The following KANK4 variants were observed in gnomAD, a reference collection of about 807,000 sequenced individuals.
KANK4 encodes the protein KN motif and ankyrin repeat domain-containing protein 4.
Under a neutral mutation model 80.8 loss-of-function variants are expected in KANK4, and 50 were observed. That is an observed-to-expected ratio of 0.62 (90% CI 0.49 to 0.78). KANK4 has a LOEUF of 0.78. KANK4 is among the 30% of genes least tolerant of loss of function. The pLI is 0.00. For synonymous variants in KANK4, 465 were observed against 506.9 expected, an observed-to-expected ratio of 0.92 and a Z score of 1.11; for missense variants, 1,196 against 1,240.1, an observed-to-expected ratio of 0.96 and a Z score of 0.53.
rs192212534 is a variant in KANK4 at position 62,250,149 on chromosome 1, G to A, written c.2683-2477C>T. Among the ~76,000 whole-genome samples, 558 of 151,800 alleles carry A rather than the reference G, an allele frequency of 3.7e-3. 4 individuals are homozygous for A. Among genetic ancestry groups the A allele is most frequent in the African/African-American group, 0.013 (532 of 41,416 alleles). On this transcript the variant is annotated intron_variant, in intron 8 of 9. Coordinates refer to ENST00000371153, the MANE Select transcript of KANK4 (RefSeq NM_181712.5). ...AATACAGGCGTGCATCACCACACCC[G>A]GCTATTTTTTGTATTTTTAGTAGAG...
rs1197128926 is a variant in KANK4, at chr1:62,274,861, G to C, written c.243C>G (p.Arg81=). The C allele has an allele frequency of 2.5e-6, 4 of 1,614,098 alleles. No homozygotes were observed. In the South Asian group the frequency reaches 4.4e-5, roughly 18 times the overall value. The stretch of plus-strand genomic sequence containing the variant: ...TTTGGAGGGGCGGGGCTGCAGGGGG[G>C]CGAGCCCCACTGTCAGGAAGGCTGA... The part of the protein sequence containing the change: ...RNFSLPDSGA[R]PPAAPPLQNW... The change falls in exon 3 of 10, where the codon CGC becomes CGG. Residue 81 remains arginine (R), a synonymous_variant. Transcript: ENST00000371153.
At chr1:62,278,398 T>C (rs1571012510) in intron 2 of KANK4, among the ~76,000 whole-genome samples, 11 of 67,640 alleles carry the variant, frequency 1.6e-4, no homozygotes, top group African/African-American at 7.4e-4. Context: ...TCTTTCTTTC[T>C]TTTTTTTTTT....
At chr1:62,267,460 G>A (rs1270205177) in intron 5 of KANK4, among the ~76,000 whole-genome samples, 11 of 152,070 alleles carry the variant, frequency 7.2e-5, no homozygotes, top group Admixed American at 4.6e-4. Context: ...CAAACTGCTG[G>A]GATTACAGCT....
chr1:62,255,500 C>T (rs1186687139), intron 7 of KANK4, among the ~76,000 whole-genome samples: 2 of 151,634 alleles, frequency 1.3e-5, no homozygotes, highest in African/African-American at 4.8e-5. Flanking sequence ...CCTAAACCTC[C>T]TGGGTTCAAG....
chr1:62,258,551 C>A (rs759273149), intron 7 of KANK4, among the ~76,000 whole-genome samples: 1 of 152,198 alleles, frequency 6.6e-6, no homozygotes, highest in Admixed American at 6.5e-5. Context: ...AGACTCAAAG[C>A]TGCTTAGCAG....
Position 62,266,728 on chromosome 1 carries a change from G to A in KANK4, c.2319+4C>T. ...CTTTACATGACAATGAAAAATTAGA[G>A]TACCAAGAGCTGGTCTGTGGTGGTC... On this transcript the variant is annotated splice_donor_region_variant and intron_variant, in intron 6 of 9. Coordinates refer to ENST00000371153, the MANE Select transcript of KANK4 (RefSeq NM_181712.5). The A allele has an allele frequency of 6.3e-7, 1 of 1,582,994 alleles. No homozygotes were observed.
At chr1:62,253,427 T>TTTTG (rs1671675057) in intron 7 of KANK4, among the ~76,000 whole-genome samples, 2 of 148,068 alleles carry the variant, frequency 1.4e-5, no homozygotes, top group Non-Finnish European at 1.5e-5. Context: ...TTTTTTTTTT[T>TTTTG]GAGACAGAGT....
intron 1 of KANK4, among the ~76,000 whole-genome samples, chr1:62,290,990 T>C (rs1022267597): frequency 2.0e-5 from 3 of 152,148 alleles, no homozygotes; most frequent in Non-Finnish European, 2.9e-5. Context: ...GACTTCATGA[T>C]CCGCCTGCCT....
rs761636195 is a variant in KANK4, at chr1:62,273,440, G to T, written c.1664C>A (p.Pro555Gln). 6.2e-7 allele frequency: 1 copy of T among 1,613,806 alleles called. No homozygotes were observed. Among genetic ancestry groups the T allele is most frequent in the Non-Finnish European group, 8.5e-7 (1 of 1,179,890 alleles). Reference sequence around the variant, plus strand: ...ATACTGCCCAATAGTGGCATCCGTTGGCGAGCTTGGTGGCCTTCCCGGGTG... The same window carrying T: ...ATACTGCCCAATAGTGGCATCCGTTTGCGAGCTTGGTGGCCTTCCCGGGTG... The part of the protein sequence containing the change: ...KEHPGRPPSS[P>Q]TDATIGQYVK... The change falls in exon 3 of 10, where the codon CCA (proline) becomes CAA (glutamine). Residue 555 changes from proline (P) to glutamine (Q), a missense_variant. Around this residue, in one of 3 missense-constraint regions of KANK4, gnomAD observed 1,154 missense variants for 1,179.6 expected, o/e 0.98. Coordinates refer to ENST00000371153, the MANE Select transcript of KANK4 (RefSeq NM_181712.5).
In KANK4 at chr1:62,271,533, G is replaced by A. The variant is rs139344628; in HGVS notation, c.1957C>T (p.Arg653Cys). The part of the protein sequence containing the change: ...SIMKKKDYGF[R>C]AGGNGTKKNL... ...TTTTTGGTCCCATTACCTCCTGCACGGAAGCCATAGTCTTTCTTTTTCATT... is the reference window on the plus strand; with the variant it reads ...TTTTTGGTCCCATTACCTCCTGCACAGAAGCCATAGTCTTTCTTTTTCATT... Residue 653 changes from arginine to cysteine, a missense_variant, in exon 4 of 10, where the codon CGT (arginine) becomes TGT (cysteine). Physicochemically the swap from Arg to Cys is radical, Grantham distance 180. Transcript: ENST00000371153. The A allele has an allele frequency of 6.7e-4, 1,076 of 1,613,982 alleles. 2 individuals are homozygous for A. Among genetic ancestry groups the A allele is most frequent in the Admixed American group, 1.1e-3 (64 of 59,996 alleles).
chr1:62,311,895 G>A (rs1317962278), intron 1 of KANK4, among the ~76,000 whole-genome samples: 1 of 152,164 alleles, frequency 6.6e-6, no homozygotes, highest in Admixed American at 6.5e-5. Context: ...CCTTAAGAAT[G>A]TCTTCCACTA....
intron 9 of KANK4, among the ~76,000 whole-genome samples, chr1:62,240,308 G>A (rs1272046031): frequency 6.6e-6 from 1 of 152,192 alleles, no homozygotes; most frequent in Non-Finnish European, 1.5e-5. Flanking sequence ...CTGCATAAAT[G>A]TCTTCTTTTG....
intron 1 of KANK4, among the ~76,000 whole-genome samples, chr1:62,282,258 C>T (rs1672467301): frequency 6.6e-6 from 1 of 152,184 alleles, no homozygotes; most frequent in Admixed American, 6.5e-5. Flanking sequence ...ATTGCCCTGG[C>T]TCTGAATTAG....
At chr1:62,264,221 C>G (rs186861137) in intron 6 of KANK4, among the ~76,000 whole-genome samples, 1 of 152,162 alleles carries the variant, frequency 6.6e-6, no homozygotes, top group African/African-American at 2.4e-5. Flanking sequence ...AGTTCAAGAC[C>G]AGCTTGACCA....
intron 5 of KANK4, among the ~76,000 whole-genome samples, chr1:62,267,661 G>A (rs1011951928): frequency 6.6e-6 from 1 of 152,098 alleles, no homozygotes; most frequent in African/African-American, 2.4e-5. Context: ...AAATAGCTGA[G>A]GATGGTGGTG....
intron 1 of KANK4, among the ~76,000 whole-genome samples, chr1:62,312,228 A>G (rs1644503345): frequency 6.6e-6 from 1 of 152,246 alleles, no homozygotes; most frequent in Admixed American, 6.5e-5. Flanking sequence ...TACTATAAAT[A>G]CAAAGCCATC....
intron 4 of KANK4, among the ~76,000 whole-genome samples, chr1:62,270,044 A>C (rs1405159514): frequency 6.6e-6 from 1 of 152,170 alleles, no homozygotes; most frequent in Non-Finnish European, 1.5e-5. Flanking sequence ...AATGCTGAGG[A>C]ATGTCCAGGA....
chr1:62,274,312 C>T lies in KANK4; in HGVS notation c.792G>A (p.Lys264=), dbSNP rs1474269342. 1.2e-6 allele frequency: 2 copies of T among 1,614,054 alleles called. No homozygotes were observed. Among genetic ancestry groups the T allele is most frequent in the African/African-American group, 2.7e-5 (2 of 74,940 alleles). Residue 264 remains lysine (K), a synonymous_variant, in exon 3 of 10, where the codon AAG becomes AAA. Transcript: ENST00000371153. ...FQNVLVVLED[K]EDEHNAREAE... is the part of the protein sequence containing the mutation. ...CTTCTCTGGCATTGTGTTCATCTTC[C>T]TTGTCCTCTAGAACTACAAGCACAT...
intron 6 of KANK4, among the ~76,000 whole-genome samples, chr1:62,265,699 G>A (rs1271671854): frequency 6.6e-6 from 1 of 152,182 alleles, no homozygotes; most frequent in Non-Finnish European, 1.5e-5. Flanking sequence ...AAATGCTTAC[G>A]GGTTGTTCCA....
Sources: gnomAD v4.1 joint callset for allele counts (sites outside exome capture counted in the v4.1 genomes callset) on GRCh38, gnomAD v4.1.1 for gene constraint, gnomAD v4.1.1 regional missense constraint, MANE v1.5 for transcripts, NCBI Gene and HGNC (gene_info 2026-07-23, HGNC 2026-07-21) for gene names.